Variants in FAM151B observed in about 807,000 individuals in gnomAD.
The protein encoded by FAM151B is protein FAM151B.
A neutral mutation model predicts 31.2 loss-of-function variants in FAM151B; 24 were observed. That is an observed-to-expected ratio of 0.77 (90% confidence interval 0.56 to 1.08). FAM151B has a LOEUF of 1.08. FAM151B is among the 50% of genes least tolerant of loss of function. The pLI, the probability that FAM151B is intolerant of heterozygous loss-of-function variation, is 0.00. For synonymous variants in FAM151B, 105 were observed against 111.4 expected (o/e 0.94, Z 0.36); for missense variants, 293 against 328.6 (o/e 0.89, Z 0.84).
rs13184656 is a variant in FAM151B at position 80,491,563 on chromosome 5, G to A, written c.25+3415G>A. On this transcript the variant is annotated intron_variant, in intron 1 of 5. Coordinates refer to ENST00000282226, the MANE Select transcript of FAM151B (RefSeq NM_205548.3). ...ACCATTGCTGTGCAATAGATCTTGG[G>A]AACTTATTCCTCCTGTCTAACCGGA... is the stretch of plus-strand genomic sequence containing the variant. 6.4e-3 allele frequency among the ~76,000 whole-genome samples: 973 copies of A among 152,196 alleles called. 4 individuals carry two copies. The highest frequency in any genetic ancestry group is 0.011 in the Non-Finnish European group (756 of 68,000).
chr5:80,538,460 T>TCTCTCTCTC (rs1561383674), intron 5 of FAM151B, among the ~76,000 whole-genome samples: 9 of 82,114 alleles, frequency 1.1e-4, no homozygotes, highest in South Asian at 4.1e-4. Context: ...CTTTCTTTCT[T>TCTCTCTCTC]TCTTTCTTTC....
chr5:80,533,575 A>G (rs1262399191), intron 5 of FAM151B, among the ~76,000 whole-genome samples: 1 of 151,598 alleles, frequency 6.6e-6, no homozygotes, highest in African/African-American at 2.4e-5. Flanking sequence ...AACAAGGCGA[A>G]ACCCTCTCTA....
chr5:80,489,727 A>T (rs1331146844), intron 1 of FAM151B, among the ~76,000 whole-genome samples: 1 of 152,208 alleles, frequency 6.6e-6, no homozygotes, highest in African/African-American at 2.4e-5. Flanking sequence ...GATCAAGACC[A>T]TCCTGGCTAA....
intron 5 of FAM151B, among the ~76,000 whole-genome samples, chr5:80,528,347 G>C (rs1745064587): frequency 6.6e-6 from 1 of 152,024 alleles, no homozygotes; most frequent in Non-Finnish European, 1.5e-5. Flanking sequence ...CAAACTGGCA[G>C]GGGTAAGTCC....
rs369998 is a variant in FAM151B at position 80,519,839 on chromosome 5, T to C, written c.464T>C (p.Ile155Thr). 0.77 allele frequency: 1,244,368 copies of C among 1,613,860 alleles called. 481,330 individuals carry two copies. Among genetic ancestry groups the C allele is most frequent in the African/African-American group, 0.83 (61,979 of 75,000 alleles). Residue 155 changes from isoleucine to threonine, a missense_variant, in exon 4 of 6, where the codon ATA becomes ACA. Ile to Thr is a moderately conservative substitution (Grantham distance 89). Transcript: ENST00000282226. ...GCAAAACCATTTTTAGACACCGTGA[T>C]ATCCTTCTTTCCAGACGTGACGTTT... The part of the protein sequence containing the change: ...IDAKPFLDTV[I>T]SFFPDVTFSL...
rs756338645 is a variant in FAM151B at position 80,522,120 on chromosome 5, T to A, written c.653T>A (p.Leu218Gln). 1.6e-5 allele frequency: 25 copies of A among 1,612,766 alleles called. No homozygotes were observed. In the South Asian group the frequency reaches 2.5e-4, roughly 16 times the overall value. Residue 218 changes from leucine to glutamine, a missense_variant, in exon 5 of 6, where the codon CTG becomes CAG. Transcript: ENST00000282226. Reference protein sequence around the residue: ...VRQSCSQLLWLLKKSNRYSLT... With the variant: ...VRQSCSQLLWQLKKSNRYSLT... ...CAGTCTTGTTCTCAGTTACTTTGGCTGTTAAAGAAATCAAACAGGTATGTA... is the reference window on the plus strand; with the variant it reads ...CAGTCTTGTTCTCAGTTACTTTGGCAGTTAAAGAAATCAAACAGGTATGTA...
intron 1 of FAM151B, among the ~76,000 whole-genome samples, chr5:80,492,768 C>T (rs776491852): frequency 2.6e-5 from 4 of 152,108 alleles, no homozygotes; most frequent in South Asian, 2.1e-4. Flanking sequence ...GCCTGGGCAA[C>T]GTATCAAGAC....
At chr5:80,500,405 G>T (rs537451608) in intron 1 of FAM151B, 396 of 1,239,082 alleles carry the variant, frequency 3.2e-4, no homozygotes, top group Non-Finnish European at 3.7e-4. Context: ...AGGGAATTTC[G>T]CAGAGCTGAA....
At chr5:80,495,658 G>A (rs1417080627) in intron 1 of FAM151B, among the ~76,000 whole-genome samples, 8 of 151,854 alleles carry the variant, frequency 5.3e-5, no homozygotes, top group African/African-American at 1.5e-4. Context: ...GTGAAACCCC[G>A]TCTCTACTAA....
At chr5:80,508,252 T>G (rs1021561251) in intron 2 of FAM151B, among the ~76,000 whole-genome samples, 3 of 152,218 alleles carry the variant, frequency 2.0e-5, no homozygotes, top group Non-Finnish European at 4.4e-5. Context: ...CAGGTGTTTT[T>G]GTAGACATGT....
chr5:80,498,504 C>A, intron 1 of FAM151B: 1 of 807,058 alleles, frequency 1.2e-6, no homozygotes, highest in South Asian at 1.4e-5. Context: ...GATGTTAGCT[C>A]ATGTCTTTTA....
At position 80,522,037 on chromosome 5, in the gene FAM151B, T is replaced by C; in HGVS notation, c.570T>C (p.Tyr190=). 1 of 1,609,420 alleles carries C rather than the reference T, an allele frequency of 6.2e-7. No homozygotes were observed. Among genetic ancestry groups the C allele is most frequent in the Non-Finnish European group, 8.5e-7 (1 of 1,176,460 alleles). ...GGACAATGGTGAAAGAGATGGAATA[T>C]ATATGTAATGAACTAAGTCAGCCTG... ...YSWTMVKEME[Y]ICNELSQPVT... The change falls in exon 5 of 6, where the codon TAT becomes TAC. Residue 190 remains tyrosine, a synonymous_variant. Transcript: ENST00000282226.
chr5:80,541,829 C>CT lies in FAM151B; in HGVS notation c.829dup (p.Ter277LeufsTer15), dbSNP rs1745914833. 6.2e-7 allele frequency: 1 copy of CT among 1,610,528 alleles called. No individual in the cohort carries two copies. Among genetic ancestry groups the CT allele is most frequent in the Non-Finnish European group, 8.5e-7 (1 of 1,178,820 alleles). ...AAGCCATTGGAATCAAAGTTAATCT[C>CT]TAAGAAGAAGATTCTCAATTATTTC... is the stretch of plus-strand genomic sequence containing the variant. On this transcript the variant is annotated frameshift_variant, in exon 6 of 6. Coordinates refer to ENST00000282226, the MANE Select transcript of FAM151B (RefSeq NM_205548.3). LOFTEE classifies it high-confidence loss of function.
At chr5:80,536,337 AT>A (rs57706841) in intron 5 of FAM151B, among the ~76,000 whole-genome samples, 55 of 147,770 alleles carry the variant, frequency 3.7e-4, no homozygotes, top group African/African-American at 1.2e-3. Flanking sequence ...AGTCCAGCTC[AT>A]TTTTTTTTTG....
At chr5:80,525,301 G>C (rs1423290270) in intron 5 of FAM151B, among the ~76,000 whole-genome samples, 1 of 152,128 alleles carries the variant, frequency 6.6e-6, no homozygotes, top group African/African-American at 2.4e-5. Context: ...TGTCAAGAGA[G>C]CTATTTGAAA....
intron 5 of FAM151B, among the ~76,000 whole-genome samples, chr5:80,532,464 A>G (rs573337114): frequency 6.6e-6 from 1 of 152,350 alleles, no homozygotes; most frequent in East Asian, 1.9e-4. Context: ...AACAATTGTA[A>G]ATATATATAA....
chr5:80,539,117 G>A (rs1206333010), intron 5 of FAM151B, among the ~76,000 whole-genome samples: 1 of 150,946 alleles, frequency 6.6e-6, no homozygotes, highest in Non-Finnish European at 1.5e-5. Flanking sequence ...CTTTTGATGG[G>A]CATTTGGCAT....
chr5:80,522,223 A>G (rs950707739), intron 5 of FAM151B, 85 bp downstream of exon 5: 8 of 1,362,980 alleles, frequency 5.9e-6, no homozygotes, highest in Non-Finnish European at 8.1e-6. Flanking sequence ...ATTTAAAGAC[A>G]GTGTGTGTGA....
intron 1 of FAM151B, among the ~76,000 whole-genome samples, chr5:80,498,113 GT>G (rs1743616412): frequency 6.6e-6 from 1 of 152,176 alleles, no homozygotes; most frequent in Non-Finnish European, 1.5e-5. Flanking sequence ...CATATGTACT[GT>G]GATTTAATTA....
Sources: allele counts gnomAD v4.1 joint callset (sites outside exome capture counted in the v4.1 genomes callset), GRCh38; gene constraint gnomAD v4.1.1; transcripts MANE v1.5; gene names NCBI Gene and HGNC (gene_info 2026-07-23, HGNC 2026-07-21).